Variants in ST6GALNAC3 observed in about 807,000 individuals in gnomAD.
ST6GALNAC3 encodes ST6 N-acetylgalactosaminide alpha-2,6-sialyltransferase 3.
In ST6GALNAC3, 25 loss-of-function variants were observed where a neutral mutation model predicts 32.7. That is an observed-to-expected ratio of 0.76 (90% CI 0.56 to 1.07). The LOEUF (loss-of-function observed/expected upper bound fraction) is 1.07, where lower values mean the gene tolerates loss of function less well. Ranked by LOEUF, ST6GALNAC3 falls within the 50% of genes least tolerant of loss-of-function variation. The probability of loss-of-function intolerance (pLI) is 0.00; values close to 1 mark genes in which losing one functional copy is unlikely to be tolerated. For synonymous variants in ST6GALNAC3, 129 were observed against 133.1 expected (o/e 0.97, Z 0.21); for missense variants, 355 against 382.4 (o/e 0.93, Z 0.60).
At chr1:76,445,852 A>G (rs1292518837) in intron 3 of ST6GALNAC3, among the ~76,000 whole-genome samples, 1 of 152,196 alleles carries the variant, frequency 6.6e-6, no homozygotes, top group Non-Finnish European at 1.5e-5. Flanking sequence ...TACTTTTAGC[A>G]GCAATCACTT....
intron 1 of ST6GALNAC3, among the ~76,000 whole-genome samples, chr1:76,118,631 G>A (rs1250869523): frequency 6.6e-6 from 1 of 152,154 alleles, no homozygotes; most frequent in Non-Finnish European, 1.5e-5. Flanking sequence ...GCATCAATAT[G>A]TATAAAGAGA....
intron 1 of ST6GALNAC3, among the ~76,000 whole-genome samples, chr1:76,143,782 G>A (rs1432777746): frequency 6.6e-6 from 1 of 152,156 alleles, no homozygotes; most frequent in Non-Finnish European, 1.5e-5. Flanking sequence ...TCATGTGCTT[G>A]AGAAGAAGAC....
intron 3 of ST6GALNAC3, among the ~76,000 whole-genome samples, chr1:76,578,897 C>T (rs562401867): frequency 6.6e-6 from 1 of 152,068 alleles, no homozygotes; most frequent in East Asian, 1.9e-4. Context: ...TGAGGATATA[C>T]CTATGCATAC....
chr1:76,357,130 C>CTTTTCTT (rs1553184100), intron 2 of ST6GALNAC3, among the ~76,000 whole-genome samples: 1 of 111,176 alleles, frequency 9.0e-6, no homozygotes, highest in Non-Finnish European at 1.7e-5. Flanking sequence ...TTTTCTTTTT[C>CTTTTCTT]TTTTTTTTTT....
Position 76,075,255 on chromosome 1 carries a change from G to A in ST6GALNAC3, c.18+371G>A, listed in dbSNP as rs567636611. ...AGGGGCCACGGGGAGGGGTGGAGTGGCTAGGCGTGAGTTGCTGGTGGTGAG... is the reference window on the plus strand; with the variant it reads ...AGGGGCCACGGGGAGGGGTGGAGTGACTAGGCGTGAGTTGCTGGTGGTGAG... On this transcript the variant is annotated intron_variant, in intron 1 of 4. Transcript: ENST00000328299. 1.5e-3 allele frequency among the ~76,000 whole-genome samples: 226 copies of A among 152,286 alleles called. 1 individual carries two copies. The highest frequency in any genetic ancestry group is 5.1e-3 in the African/African-American group (214 of 41,564).
chr1:76,327,282 G>C (rs1472117567), intron 2 of ST6GALNAC3, among the ~76,000 whole-genome samples: 11 of 91,750 alleles, frequency 1.2e-4, no homozygotes, highest in African/African-American at 7.9e-4. Flanking sequence ...ATGCGTGTGT[G>C]TGTGTGTGTG....
chr1:76,406,994 C>T (rs1220773707), intron 2 of ST6GALNAC3, among the ~76,000 whole-genome samples: 2 of 152,000 alleles, frequency 1.3e-5, no homozygotes, highest in Non-Finnish European at 2.9e-5. Context: ...AAAAATTCTA[C>T]TACACTATAC....
In ST6GALNAC3 at chr1:76,313,903, CT is replaced by C. The variant is rs1646817490; in HGVS notation, c.120del (p.Phe40LeufsTer26). On this transcript the variant is annotated frameshift_variant, in exon 2 of 5. Coordinates refer to ENST00000328299, the MANE Select transcript of ST6GALNAC3 (RefSeq NM_152996.4). LOFTEE classifies it high-confidence loss of function. Reference protein sequence around the residue: ...EVNFPLLLNCFGQPGTKWIPF... With the variant: ...EVNFPLLLNCXGQPGTKWIPF... ...TGAATTTCCCATTGCTACTAAACTG[CT>C]TTGGACAACCTGGTACAAAGTGGAT... is the stretch of plus-strand genomic sequence containing the variant. 6.2e-7 allele frequency: 1 copy of C among 1,613,500 alleles called. No individual in the cohort carries two copies. The highest frequency in any genetic ancestry group is 1.3e-5 in the African/African-American group (1 of 74,866).
chr1:76,629,594 A>G lies in ST6GALNAC3; in HGVS notation c.*788A>G, dbSNP rs1649186516. 6.1e-6 allele frequency: 6 copies of G among 984,462 alleles called. No homozygotes were observed. The highest frequency in any genetic ancestry group is 7.2e-6 in the Non-Finnish European group (6 of 828,878). 61.0% of individuals were successfully genotyped at this position (984,462 alleles called of 1,614,324 possible). A position where few individuals can be genotyped will look rare whatever the true frequency, so the allele number is the denominator to read the frequency against. On this transcript the variant is annotated 3_prime_UTR_variant, in exon 5 of 5. Coordinates refer to ENST00000328299, the MANE Select transcript of ST6GALNAC3 (RefSeq NM_152996.4). ...TTGGTTGAGTGCTAAATATTTCAGA[A>G]GGCTACTTAACATGTAAGATACCAA...
At position 76,227,653 on chromosome 1, in the gene ST6GALNAC3, G is replaced by A. The variant is rs1220974418; in HGVS notation, c.19-86152G>A. Among the ~76,000 whole-genome samples, 8 of 152,164 alleles carry A rather than the reference G, an allele frequency of 5.3e-5. No homozygotes were observed. The East Asian group carries it at 1.5e-3, about 29-fold the overall frequency. ...ATTACTGGAATGTATTTTAACAATA[G>A]TTTAGTCTGTACCCTAACATTGACT... On this transcript the variant is annotated intron_variant, in intron 1 of 4. Coordinates refer to ENST00000328299, the MANE Select transcript of ST6GALNAC3 (RefSeq NM_152996.4).
At chr1:76,397,075 G>T (rs1259670284) in intron 2 of ST6GALNAC3, among the ~76,000 whole-genome samples, 4 of 151,998 alleles carry the variant, frequency 2.6e-5, no homozygotes, top group Non-Finnish European at 4.4e-5. Flanking sequence ...ATTTAAAGTA[G>T]TTTAAAAATA....
At chr1:76,565,099 C>G (rs1665475026) in intron 3 of ST6GALNAC3, among the ~76,000 whole-genome samples, 1 of 152,088 alleles carries the variant, frequency 6.6e-6, no homozygotes, top group Non-Finnish European at 1.5e-5. Flanking sequence ...CGGTGTCCAA[C>G]GGGAGGGGCC....
chr1:76,431,607 C>G (rs1207985097), intron 3 of ST6GALNAC3, among the ~76,000 whole-genome samples: 1 of 152,142 alleles, frequency 6.6e-6, no homozygotes, highest in Non-Finnish European at 1.5e-5. Context: ...CTCTTTCATG[C>G]TGGTTCTCCT....
chr1:76,633,903 T>C lies in ST6GALNAC3; in HGVS notation c.*5097T>C, dbSNP rs1649415680. 6.6e-6 allele frequency: 1 copy of C among 152,302 alleles called. No homozygotes were observed. Among genetic ancestry groups the C allele is most frequent in the Non-Finnish European group, 1.5e-5 (1 of 68,142 alleles). 9.4% of individuals were successfully genotyped at this position (152,302 alleles called of 1,614,324 possible). A position where few individuals can be genotyped will look rare whatever the true frequency, so the allele number is the denominator to read the frequency against. On this transcript the variant is annotated 3_prime_UTR_variant, in exon 5 of 5. Coordinates refer to ENST00000328299, the MANE Select transcript of ST6GALNAC3 (RefSeq NM_152996.4). ...GAAAATGGTTCTTGTGGCTCAGAAATAGTATATTGTTCTGTTGCTTGTTTT... is the reference window on the plus strand; with the variant it reads ...GAAAATGGTTCTTGTGGCTCAGAAACAGTATATTGTTCTGTTGCTTGTTTT...
intron 1 of ST6GALNAC3, among the ~76,000 whole-genome samples, chr1:76,122,531 C>T (rs867384982): frequency 2.6e-5 from 4 of 152,104 alleles, no homozygotes; most frequent in Non-Finnish European, 5.9e-5. Context: ...CAAGGTGAAC[C>T]GAAGACTCCT....
intron 1 of ST6GALNAC3, among the ~76,000 whole-genome samples, chr1:76,277,998 A>G (rs1487164197): frequency 6.6e-6 from 1 of 152,034 alleles, no homozygotes; most frequent in African/African-American, 2.4e-5. Flanking sequence ...GGCCTTTTGC[A>G]TTTCTACAGA....
chr1:76,433,340 TTTC>T (rs1655907467), intron 3 of ST6GALNAC3, among the ~76,000 whole-genome samples: 1 of 152,192 alleles, frequency 6.6e-6, no homozygotes, highest in African/African-American at 2.4e-5. Flanking sequence ...GCATTCCACT[TTTC>T]TTTCTGTTCT....
At chr1:76,196,591 G>A (rs1228904778) in intron 1 of ST6GALNAC3, among the ~76,000 whole-genome samples, 1 of 151,724 alleles carries the variant, frequency 6.6e-6, no homozygotes, top group Non-Finnish European at 1.5e-5. Context: ...TCAGCCTCTC[G>A]AGTAGCTGGG....
Position 76,624,058 on chromosome 1 carries a change from A to T in ST6GALNAC3, c.624-3394A>T, listed in dbSNP as rs145883923. Among the ~76,000 whole-genome samples the T allele has an allele frequency of 3.0e-3, 452 of 152,080 alleles. 5 individuals carry two copies. The highest frequency in any genetic ancestry group is 0.01 in the African/African-American group (436 of 41,530). On this transcript the variant is annotated intron_variant, in intron 3 of 4. Coordinates refer to ENST00000328299, the MANE Select transcript of ST6GALNAC3 (RefSeq NM_152996.4). ...GGTAGGAAACCCCCTGCCATTTAACATCCCAAATATATCAGAGGCATCAGG... is the reference window on the plus strand; with the variant it reads ...GGTAGGAAACCCCCTGCCATTTAACTTCCCAAATATATCAGAGGCATCAGG...
Sources: allele counts gnomAD v4.1 joint callset (sites outside exome capture counted in the v4.1 genomes callset), GRCh38; gene constraint gnomAD v4.1.1; transcripts MANE v1.5; gene names NCBI Gene and HGNC (gene_info 2026-07-23, HGNC 2026-07-21).